The following NDRG3 variants were observed in gnomAD, a reference collection of about 807,000 sequenced individuals.
The protein encoded by NDRG3 is protein NDRG3.
Under a neutral mutation model 57.2 loss-of-function variants are expected in NDRG3, and 23 were observed. The observed-to-expected ratio is 0.40, with a 90% CI of 0.29 to 0.57. The LOEUF (loss-of-function observed/expected upper bound fraction) is 0.57, where lower values mean the gene tolerates loss of function less well. NDRG3 is among the 20% of genes least tolerant of loss of function. The pLI is 0.42. For synonymous variants in NDRG3, 132 were observed against 162.6 expected, an observed-to-expected ratio of 0.81 and a Z score of 1.43; for missense variants, 384 against 457.3, an observed-to-expected ratio of 0.84 and a Z score of 1.46.
chr20:36,658,416 T>A (rs527934488), intron 13 of NDRG3, among the ~76,000 whole-genome samples: 84 of 152,100 alleles, frequency 5.5e-4, no homozygotes, highest in Non-Finnish European at 1.1e-3. Context: ...GCCCAGCCCC[T>A]CCCCAAAATT....
intron 3 of NDRG3, among the ~76,000 whole-genome samples, chr20:36,705,136 A>G (rs536132631): frequency 3.9e-5 from 6 of 152,028 alleles, no homozygotes; most frequent in Middle Eastern, 3.4e-3. Context: ...CCTGACCAAC[A>G]TGGTGAAACC....
intron 2 of NDRG3, among the ~76,000 whole-genome samples, chr20:36,718,407 T>C (rs115779134): frequency 3.8e-4 from 58 of 152,296 alleles, no homozygotes; most frequent in African/African-American, 1.2e-3. Context: ...AGGAACAGCA[T>C]AGGCCTATCA....
chr20:36,682,282 T>C (rs1568637954), intron 7 of NDRG3, among the ~76,000 whole-genome samples: 1 of 152,236 alleles, frequency 6.6e-6, no homozygotes, highest in Admixed American at 6.5e-5. Context: ...CAAAATTCCA[T>C]TATAAGCAGC....
chr20:36,721,666 G>A lies in NDRG3; in HGVS notation c.57+13C>T, dbSNP rs1984600736. The A allele has an allele frequency of 1.9e-6, 3 of 1,555,736 alleles. No individual in the cohort carries two copies. Among genetic ancestry groups the A allele is most frequent in the Non-Finnish European group, 2.6e-6 (3 of 1,137,312 alleles). On this transcript the variant is annotated intron_variant, in intron 2 of 15. Coordinates refer to ENST00000349004, the MANE Select transcript of NDRG3 (RefSeq NM_032013.4). ...GCTTGTCCATATTTTAGTGAAAACA[G>A]AAAAGTCTTTACCTTATCATTTAGA...
chr20:36,727,842 A>G (rs888348165), intron 1 of NDRG3, among the ~76,000 whole-genome samples: 1 of 151,818 alleles, frequency 6.6e-6, no homozygotes, highest in South Asian at 2.1e-4. Flanking sequence ...TGCCCGGCCT[A>G]TTTCTTTATA....
chr20:36,656,184 C>T (rs990589472), intron 15 of NDRG3, among the ~76,000 whole-genome samples, 176 bp downstream of exon 15: 1 of 150,268 alleles, frequency 6.7e-6, no homozygotes, highest in African/African-American at 2.4e-5. Flanking sequence ...AAAGTAAGTG[C>T]TGAGTGTTAG....
chr20:36,686,725 T>C (rs1981814652), intron 5 of NDRG3, among the ~76,000 whole-genome samples: 1 of 152,174 alleles, frequency 6.6e-6, no homozygotes, highest in African/African-American at 2.4e-5. Context: ...CAGGACAGCC[T>C]CTCAGAATAA....
chr20:36,702,954 G>T (rs1268965114), intron 3 of NDRG3, among the ~76,000 whole-genome samples: 1 of 152,076 alleles, frequency 6.6e-6, no homozygotes, highest in Non-Finnish European at 1.5e-5. Context: ...AAAGTGCTGG[G>T]ATTACAGTTG....
rs1425715195 is a variant in NDRG3, at chr20:36,660,324, G to T, written c.858+13C>A. 6.3e-7 allele frequency: 1 copy of T among 1,582,260 alleles called. No homozygotes were observed. Among genetic ancestry groups the T allele is most frequent in the Non-Finnish European group, 8.6e-7 (1 of 1,156,518 alleles). On this transcript the variant is annotated intron_variant, in intron 13 of 15. Coordinates refer to ENST00000349004, the MANE Select transcript of NDRG3 (RefSeq NM_032013.4). Reference sequence around the variant, plus strand: ...CATATAAGGGTTGGAAGTGAGGGAAGAAGGCACATTACCTTTAGCAAAGTT... The same window carrying T: ...CATATAAGGGTTGGAAGTGAGGGAATAAGGCACATTACCTTTAGCAAAGTT...
intron 8 of NDRG3, among the ~76,000 whole-genome samples, 189 bp downstream of exon 8, chr20:36,680,627 C>A (rs964690858): frequency 6.6e-6 from 1 of 152,068 alleles, no homozygotes; most frequent in Non-Finnish European, 1.5e-5. Context: ...GGAAAAGATA[C>A]AACGGAATCC....
Position 36,653,526 on chromosome 20 carries a change from G to C in NDRG3, c.1122C>G (p.Ser374=). The change falls in exon 16 of 16, where the codon TCC becomes TCG. Residue 374 remains serine (S), a synonymous_variant. Coordinates refer to ENST00000349004, the MANE Select transcript of NDRG3 (RefSeq NM_032013.4). This position sits in a 1 kb window ranked among gnomAD's most constrained non-coding sequence, Gnocchi z 4.2. ...CCAGGGGAGGAGCATCTGCTTAGCA[G>C]GACACCTCCATGGTCTGGTGTCTGT... ...VLDRHQTMEV[S]C 1 of 1,613,732 alleles carries C rather than the reference G, an allele frequency of 6.2e-7. No individual in the cohort carries two copies. Among genetic ancestry groups the C allele is most frequent in the Non-Finnish European group, 8.5e-7 (1 of 1,179,704 alleles).
intron 3 of NDRG3, among the ~76,000 whole-genome samples, chr20:36,704,802 T>C (rs1207700103): frequency 1.3e-5 from 2 of 152,350 alleles, no homozygotes; most frequent in South Asian, 2.1e-4. Flanking sequence ...AATCTGTAAC[T>C]GTACTATGAG....
chr20:36,727,987 C>T (rs1168086314), intron 1 of NDRG3, among the ~76,000 whole-genome samples: 5 of 152,080 alleles, frequency 3.3e-5, no homozygotes, highest in African/African-American at 1.2e-4. Context: ...TTGCTTCAGC[C>T]CAAGAGTTTG....
In NDRG3 at chr20:36,721,666, GAA is replaced by G. The variant is rs374659225; in HGVS notation, c.57+11_57+12del. 7.1e-6 allele frequency: 11 copies of G among 1,555,854 alleles called. No individual in the cohort carries two copies. The African/African-American group carries it at 1.2e-4, about 17-fold the overall frequency. On this transcript the variant is annotated intron_variant, in intron 2 of 15. Coordinates refer to ENST00000349004, the MANE Select transcript of NDRG3 (RefSeq NM_032013.4). Reference sequence around the variant, plus strand: ...GCTTGTCCATATTTTAGTGAAAACAGAAAAGTCTTTACCTTATCATTTAGAAG... The same window carrying G: ...GCTTGTCCATATTTTAGTGAAAACAGAAGTCTTTACCTTATCATTTAGAAG...
intron 8 of NDRG3, among the ~76,000 whole-genome samples, chr20:36,679,657 C>T (rs368166892): frequency 2.0e-5 from 3 of 151,824 alleles, no homozygotes; most frequent in African/African-American, 7.3e-5. Context: ...GCACCCACCA[C>T]CACGCCCGGC....
At chr20:36,660,762 G>T (rs1176877506) in intron 12 of NDRG3, among the ~76,000 whole-genome samples, 1 of 151,864 alleles carries the variant, frequency 6.6e-6, no homozygotes. Flanking sequence ...GGGTTTCACC[G>T]TGTTAGCCAG....
chr20:36,675,172 G>A (rs1400554815), intron 8 of NDRG3, among the ~76,000 whole-genome samples: 1 of 146,624 alleles, frequency 6.8e-6, no homozygotes, highest in Non-Finnish European at 1.5e-5. Flanking sequence ...CGATTCTCTT[G>A]CCTTAGCTTC....
chr20:36,741,426 A>C (rs964873910), intron 1 of NDRG3, among the ~76,000 whole-genome samples: 1 of 152,250 alleles, frequency 6.6e-6, no homozygotes, highest in Non-Finnish European at 1.5e-5. Flanking sequence ...AGATTACTTT[A>C]GCAAGCTCTT....
intron 1 of NDRG3, among the ~76,000 whole-genome samples, chr20:36,739,442 G>A (rs866305810): frequency 3.8e-5 from 5 of 132,394 alleles, no homozygotes; most frequent in South Asian, 2.4e-4. Context: ...GTGAGACTCC[G>A]CCTCAAAAAA....
Sources: allele counts gnomAD v4.1 joint callset (sites outside exome capture counted in the v4.1 genomes callset), GRCh38; gene constraint gnomAD v4.1.1; non-coding constraint Gnocchi (gnomAD v3.1); transcripts MANE v1.5; gene names NCBI Gene and HGNC (gene_info 2026-07-23, HGNC 2026-07-21).